SLC25A21: variants seen among roughly 807,000 people sequenced by gnomAD.
SLC25A21 encodes solute carrier family 25 member 21, also known as mitochondrial 2-oxodicarboxylate carrier.
SLC25A21 carries 47 observed loss-of-function variants against 43.8 expected under a neutral mutation model. The ratio of observed to expected loss-of-function variants is 1.07; its 90% CI spans 0.85 to 1.37. The LOEUF (loss-of-function observed/expected upper bound fraction) is 1.37, where lower values mean the gene tolerates loss of function less well. SLC25A21 is among the 40% of genes most tolerant of loss of function. The probability of loss-of-function intolerance (pLI) is 0.00; values close to 1 mark genes in which losing one functional copy is unlikely to be tolerated. For missense variants in SLC25A21, 352 were observed against 350.2 expected (o/e 1.00, Z -0.04); for synonymous variants, 131 against 121.3 (o/e 1.08, Z -0.52).
At chr14:36,744,518 A>G (rs1479612890) in intron 3 of SLC25A21, among the ~76,000 whole-genome samples, 4 of 152,166 alleles carry the variant, frequency 2.6e-5, no homozygotes, top group African/African-American at 7.2e-5. Context: ...CCTATCTCTC[A>G]CCATATACAA....
intron 1 of SLC25A21, among the ~76,000 whole-genome samples, chr14:36,950,252 T>C (rs1313680077): frequency 6.6e-6 from 1 of 152,192 alleles, no homozygotes; most frequent in Non-Finnish European, 1.5e-5. Flanking sequence ...TTTGATTAGC[T>C]TGTTATGGAT....
intron 2 of SLC25A21, among the ~76,000 whole-genome samples, chr14:36,852,106 T>G (rs1889758703): frequency 6.6e-6 from 1 of 152,218 alleles, no homozygotes. Context: ...ATCCAAAAAG[T>G]ACTGGGAACA....
At position 36,926,280 on chromosome 14, in the gene SLC25A21, C is replaced by A. The variant is rs77647099; in HGVS notation, c.71-51276G>T. On this transcript the variant is annotated intron_variant, in intron 1 of 9. Coordinates refer to ENST00000331299, the MANE Select transcript of SLC25A21 (RefSeq NM_030631.4). ...AATTAGTCATGTCCAAAGAATAAAT[C>A]ATAGTGGAAATCAGAAAATATTTTT... Among the ~76,000 whole-genome samples, 655 of 152,086 alleles carry A rather than the reference C, an allele frequency of 4.3e-3. 2 individuals carry two copies. The highest frequency in any genetic ancestry group is 6.8e-3 in the Non-Finnish European group (465 of 67,966).
At chr14:36,718,871 G>A (rs1266194078) in intron 6 of SLC25A21, among the ~76,000 whole-genome samples, 2 of 151,914 alleles carry the variant, frequency 1.3e-5, no homozygotes, top group Non-Finnish European at 2.9e-5. Context: ...TCTTTTTTGG[G>A]CTGAACATCT....
chr14:36,699,619 T>C (rs1367584815), intron 7 of SLC25A21, among the ~76,000 whole-genome samples: 1 of 152,176 alleles, frequency 6.6e-6, no homozygotes, highest in Non-Finnish European at 1.5e-5. Context: ...TCAAGCTTCC[T>C]GGCCGCTTTG....
Position 36,905,043 on chromosome 14 carries a change from CA to C in SLC25A21, c.71-30040del, listed in dbSNP as rs551484049. 4.6e-5 allele frequency among the ~76,000 whole-genome samples: 7 copies of C among 152,176 alleles called. No homozygotes were observed. In the South Asian group the frequency reaches 1.5e-3, roughly 32 times the overall value. On this transcript the variant is annotated intron_variant, in intron 1 of 9. Transcript: ENST00000331299. ...CCAAAATAATTGTTAAATTCTAGGC[CA>C]AAATTATTGGTTCTAAGGTACACTC...
chr14:36,817,967 T>C (rs1197331445), intron 2 of SLC25A21, among the ~76,000 whole-genome samples: 3 of 152,232 alleles, frequency 2.0e-5, no homozygotes, highest in Non-Finnish European at 4.4e-5. Context: ...TATTGTTCAT[T>C]CAGTTAATAA....
At chr14:37,073,290 C>G (rs1375784534) in intron 1 of SLC25A21, among the ~76,000 whole-genome samples, 1 of 152,180 alleles carries the variant, frequency 6.6e-6, no homozygotes, top group African/African-American at 2.4e-5. Flanking sequence ...TTTCACAGTT[C>G]CCTATTCTTT....
At chr14:37,095,247 G>A (rs769541658) in intron 1 of SLC25A21, among the ~76,000 whole-genome samples, 1 of 152,220 alleles carries the variant, frequency 6.6e-6, no homozygotes. Context: ...GCCAGGCGTG[G>A]TGGCACATGC....
chr14:36,944,177 A>G (rs947180968), intron 1 of SLC25A21, among the ~76,000 whole-genome samples: 4 of 152,128 alleles, frequency 2.6e-5, no homozygotes, highest in Non-Finnish European at 4.4e-5. Flanking sequence ...CCAGTTGTCA[A>G]GGTCATATCC....
chr14:37,038,350 T>G (rs1326535072), intron 1 of SLC25A21, among the ~76,000 whole-genome samples: 1 of 152,162 alleles, frequency 6.6e-6, no homozygotes, highest in Non-Finnish European at 1.5e-5. Context: ...TTTGAAAAAT[T>G]TGTCTTTCTG....
At chr14:36,962,301 C>T (rs1430528963) in intron 1 of SLC25A21, among the ~76,000 whole-genome samples, 1 of 152,096 alleles carries the variant, frequency 6.6e-6, no homozygotes, top group East Asian at 1.9e-4. Context: ...TAACATCTAT[C>T]ATCACACAGT....
chr14:37,099,500 G>A (rs2138862301), intron 1 of SLC25A21, among the ~76,000 whole-genome samples: 1 of 152,148 alleles, frequency 6.6e-6, no homozygotes, highest in South Asian at 2.1e-4. Flanking sequence ...AGTCAATGTA[G>A]TAGTCAAAAA....
chr14:37,100,486 C>T (rs1962796749), intron 1 of SLC25A21, among the ~76,000 whole-genome samples: 2 of 152,140 alleles, frequency 1.3e-5, no homozygotes, highest in Admixed American at 1.3e-4. Flanking sequence ...AACGCCCAAC[C>T]CAAAGTAGAT....
chr14:36,904,216 C>T (rs7155546), intron 1 of SLC25A21, among the ~76,000 whole-genome samples: 2,861 of 152,208 alleles, frequency 0.019, 61 homozygotes, highest in African/African-American at 0.054. Flanking sequence ...AAATTGACCA[C>T]GCGTAAGTCA....
chr14:36,900,378 A>G (rs117494870), intron 1 of SLC25A21, among the ~76,000 whole-genome samples: 13 of 152,264 alleles, frequency 8.5e-5, no homozygotes, highest in Non-Finnish European at 1.8e-4. Context: ...ACTATCGAGA[A>G]GGTCAGAGCT....
chr14:36,910,711 CTAGAAG>C (rs1891665224), intron 1 of SLC25A21, among the ~76,000 whole-genome samples: 1 of 152,064 alleles, frequency 6.6e-6, no homozygotes, highest in South Asian at 2.1e-4. Flanking sequence ...TGGTCTTCTC[CTAGAAG>C]TATCATGAAA....
intron 1 of SLC25A21, 36 bp from the exon 2 acceptor site, chr14:36,875,040 T>C (rs373432784): frequency 1.5e-5 from 22 of 1,511,890 alleles, no homozygotes; most frequent in East Asian, 2.3e-5. Context: ...TAAACACTTA[T>C]GTAAACACTG....
intron 2 of SLC25A21, among the ~76,000 whole-genome samples, chr14:36,871,530 A>C (rs1156470828): frequency 1.3e-5 from 2 of 152,250 alleles, no homozygotes; most frequent in Non-Finnish European, 2.9e-5. Context: ...TGTTACAGCC[A>C]CATAACCTAG....
Sources: gnomAD v4.1 joint callset for allele counts (sites outside exome capture counted in the v4.1 genomes callset) on GRCh38, gnomAD v4.1.1 for gene constraint, MANE v1.5 for transcripts, NCBI Gene and HGNC (gene_info 2026-07-23, HGNC 2026-07-21) for gene names.